Variants in CFD observed in about 807,000 individuals in gnomAD.
CFD encodes C3 convertase activator.
CFD carries 24 observed loss-of-function variants against 21.1 expected under a neutral mutation model. The ratio of observed to expected loss-of-function variants is 1.14; its 90% CI spans 0.82 to 1.60. The LOEUF (loss-of-function observed/expected upper bound fraction) is 1.60, where lower values mean the gene tolerates loss of function less well. Ranked by LOEUF, CFD falls within the 40% of genes most tolerant of loss-of-function variation. The probability of loss-of-function intolerance (pLI) is 0.00; values close to 1 mark genes in which losing one functional copy is unlikely to be tolerated. For synonymous variants in CFD, 242 were observed against 175.9 expected, an observed-to-expected ratio of 1.38 and a Z score of -2.97; for missense variants, 535 against 383.3, an observed-to-expected ratio of 1.40 and a Z score of -3.31.
intron 3 of CFD, 23 bp downstream of exon 3, chr19:861,028 C>T (rs367853218): frequency 1.9e-6 from 3 of 1,594,118 alleles, no homozygotes; most frequent in African/African-American, 2.7e-5. Context: ...TAGCGCAGTC[C>T]CTCCTGCGGC....
At position 863,353 on chromosome 19, in the gene CFD, G is replaced by A. The variant is rs1470504113; in HGVS notation, c.*115G>A. The stretch of plus-strand genomic sequence containing the variant: ...AGCACCTACTATATGCAGAAGGGGA[G>A]GCCGAGGTGGGAGGATCATTGGATC... On this transcript the variant is annotated 3_prime_UTR_variant, in exon 5 of 5. Transcript: ENST00000327726. 1 of 1,260,320 alleles carries A rather than the reference G, an allele frequency of 7.9e-7. No homozygotes were observed. Among genetic ancestry groups the A allele is most frequent in the African/African-American group, 1.5e-5 (1 of 67,836 alleles). 78.1% of individuals were successfully genotyped at this position (1,260,320 alleles called of 1,614,324 possible). A position where few individuals can be genotyped will look rare whatever the true frequency, so the allele number is the denominator to read the frequency against.
In CFD at chr19:863,458, C is replaced by T. The variant is rs976426444; in HGVS notation, c.*220C>T. The stretch of plus-strand genomic sequence containing the variant: ...AATAAAAAATTAGCTGGGCAATTGG[C>T]GGGCATGGAGGTGGGTGCTTGTAGT... On this transcript the variant is annotated 3_prime_UTR_variant, in exon 5 of 5. Transcript: ENST00000327726. The T allele has an allele frequency of 2.3e-5, 14 of 605,660 alleles. No homozygotes were observed. Among genetic ancestry groups the T allele is most frequent in the African/African-American group, 2.2e-4 (12 of 54,288 alleles). 37.5% of individuals were successfully genotyped at this position (605,660 alleles called of 1,614,324 possible). A position where few individuals can be genotyped will look rare whatever the true frequency, so the allele number is the denominator to read the frequency against.
rs1408465949 is a variant in CFD, at chr19:860,651, A to G, written c.90A>G (p.Arg30=). 9 of 1,493,022 alleles carry G rather than the reference A, an allele frequency of 6.0e-6. No homozygotes were observed. The East Asian group carries it at 2.5e-4, about 41-fold the overall frequency. 92.5% of individuals were successfully genotyped at this position (1,493,022 alleles called of 1,614,324 possible). Reference sequence around the variant, plus strand: ...CCCGTGGTCGGATCCTGGGCGGCAGAGAGGCCGAGGCGCACGCGCGGCCCT... The same window carrying G: ...CCCGTGGTCGGATCCTGGGCGGCAGGGAGGCCGAGGCGCACGCGCGGCCCT... The part of the protein sequence containing the change: ...APPRGRILGG[R]EAEAHARPYM... The change falls in exon 2 of 5, where the codon AGA becomes AGG. Residue 30 remains arginine, a synonymous_variant. Transcript: ENST00000327726.
At chr19:859,880 A>G (rs1050472764) in intron 1 of CFD, 136 bp downstream of exon 1, 1 of 644,890 alleles carries the variant, frequency 1.6e-6, no homozygotes, top group Non-Finnish European at 2.8e-6. Context: ...GAAGGCTCTG[A>G]ACGCTGAAAA....
rs116135466 is a variant in CFD at position 861,021 on chromosome 19, C to G, written c.357+16C>G. ...GCTGCTACAGGTCGGCCCCGTGTAGCGCAGTCCCTCCTGCGGCGCTGGGAT... is the reference window on the plus strand; with the variant it reads ...GCTGCTACAGGTCGGCCCCGTGTAGGGCAGTCCCTCCTGCGGCGCTGGGAT... On this transcript the variant is annotated intron_variant, in intron 3 of 4. Coordinates refer to ENST00000327726, the MANE Select transcript of CFD (RefSeq NM_001928.4). 2 of 1,595,528 alleles carry G rather than the reference C, an allele frequency of 1.3e-6. No homozygotes were observed. Among genetic ancestry groups the G allele is most frequent in the Non-Finnish European group, 1.7e-6 (2 of 1,178,702 alleles).
At chr19:860,060 C>T (rs2035762499) in intron 1 of CFD, among the ~76,000 whole-genome samples, 1 of 152,120 alleles carries the variant, frequency 6.6e-6, no homozygotes, top group Non-Finnish European at 1.5e-5. Flanking sequence ...GCACTGCGCC[C>T]AGGGTAGGGC....
intron 3 of CFD, 43 bp downstream of exon 3, chr19:861,048 C>G (rs756054897): frequency 8.9e-6 from 14 of 1,579,964 alleles, no homozygotes; most frequent in Non-Finnish European, 1.2e-5. Context: ...CGCTGGGATC[C>G]CCGGCCCACC....
Position 863,272 on chromosome 19 carries a change from C to T in CFD, c.*34C>T, listed in dbSNP as rs2035837466. The T allele has an allele frequency of 6.5e-7, 1 of 1,544,810 alleles. No individual in the cohort carries two copies. Among genetic ancestry groups the T allele is most frequent in the Non-Finnish European group, 8.7e-7 (1 of 1,151,526 alleles). ...GGCCTGAAGGTCAGGGTCACCCAAG[C>T]AACAAAGTCCCGAGCAATGAAGTCA... On this transcript the variant is annotated 3_prime_UTR_variant, in exon 5 of 5. Transcript: ENST00000327726.
intron 3 of CFD, 95 bp downstream of exon 3, chr19:861,100 G>C (rs2035785578): frequency 1.6e-6 from 2 of 1,267,064 alleles, no homozygotes; most frequent in Non-Finnish European, 2.2e-6. Context: ...GTCCAGCCTC[G>C]ACCTCTCCTG....
chr19:862,713 A>G (rs891629192), intron 4 of CFD, among the ~76,000 whole-genome samples: 7 of 151,308 alleles, frequency 4.6e-5, no homozygotes, highest in Non-Finnish European at 7.4e-5. Flanking sequence ...GTGGGGACTG[A>G]GCAGAGCAGG....
intron 1 of CFD, 144 bp from the exon 2 acceptor site, chr19:860,473 T>C (rs1330384630): frequency 7.6e-6 from 3 of 393,416 alleles, no homozygotes; most frequent in Non-Finnish European, 1.2e-5. Context: ...CACAAAGTGC[T>C]GGGATTACAG....
intron 4 of CFD, 137 bp downstream of exon 4, chr19:862,093 ATGGGCGGAGCATGAGGGTGGCCCG>A: frequency 1.0e-6 from 1 of 959,358 alleles, no homozygotes; most frequent in South Asian, 1.9e-5. Context: ...GAACTGGAAG[ATGGGCGGAGCATGAGGGTGGCCCG>A]TGGGCGGGGC....
At chr19:860,276 C>T (rs1404860017) in intron 1 of CFD, among the ~76,000 whole-genome samples, 1 of 151,838 alleles carries the variant, frequency 6.6e-6, no homozygotes, top group African/African-American at 2.4e-5. Context: ...CTGCAAACTC[C>T]GACTCCCGGG....
Position 860,909 on chromosome 19 carries a change from GC to G in CFD, c.263del (p.Pro88ArgfsTer68), listed in dbSNP as rs1213344962. ...TCCTGGGCGCGCACTCCCTGTCGCA[GC>G]CGGAGCCCTCCAAGCGCCTGTACGA... ...VLLGAHSLSQ[P>X]EPSKRLYDVL... On this transcript the variant is annotated frameshift_variant, in exon 3 of 5. Coordinates refer to ENST00000327726, the MANE Select transcript of CFD (RefSeq NM_001928.4). LOFTEE classifies it high-confidence loss of function. 3 of 1,594,556 alleles carry G rather than the reference GC, an allele frequency of 1.9e-6. No individual in the cohort carries two copies. Among genetic ancestry groups the G allele is most frequent in the Non-Finnish European group, 2.6e-6 (3 of 1,176,018 alleles).
At chr19:859,814 G>T in intron 1 of CFD, 70 bp downstream of exon 1, 1 of 1,272,488 alleles carries the variant, frequency 7.9e-7, no homozygotes. Context: ...CCGTCACACG[G>T]ACGGTCCTCC....
At chr19:859,817 G>A (rs2035760213) in intron 1 of CFD, 73 bp downstream of exon 1, 1 of 1,232,382 alleles carries the variant, frequency 8.1e-7, no homozygotes, top group Non-Finnish European at 1.2e-6. Context: ...TCACACGGAC[G>A]GTCCTCCAGC....
Position 859,722 on chromosome 19 carries a change from C to A in CFD, c.33C>A (p.Val11=). The A allele has an allele frequency of 6.4e-7, 1 of 1,574,610 alleles. No individual in the cohort carries two copies. The highest frequency in any genetic ancestry group is 2.3e-5 in the East Asian group (1 of 43,096). The change falls in exon 1 of 5, where the codon GTC becomes GTA. Residue 11 remains valine (V), a synonymous_variant. Coordinates refer to ENST00000327726, the MANE Select transcript of CFD (RefSeq NM_001928.4). MHSWERLAVL[V]LLGAAACAAP... ...GCTGGGAGCGCCTGGCAGTTCTGGT[C>A]CTCCTAGGAGCGGCCGCCTGCGGTG...
chr19:862,030 G>A (rs566487845), intron 4 of CFD, 74 bp downstream of exon 4: 5 of 1,492,536 alleles, frequency 3.4e-6, no homozygotes, highest in African/African-American at 1.4e-5. Context: ...AGCGCGAAGC[G>A]GGGGGCAAGT....
intron 1 of CFD, among the ~76,000 whole-genome samples, chr19:860,352 T>G (rs926810017): frequency 2.0e-5 from 3 of 151,804 alleles, no homozygotes; most frequent in Non-Finnish European, 2.9e-5. Context: ...GACTAAATTT[T>G]GTATTTTTTT....
Sources: gnomAD v4.1 joint callset for allele counts (sites outside exome capture counted in the v4.1 genomes callset) on GRCh38, gnomAD v4.1.1 for gene constraint, MANE v1.5 for transcripts, NCBI Gene and HGNC (gene_info 2026-07-23, HGNC 2026-07-21) for gene names.